Variants in TBCK observed in about 807,000 individuals in gnomAD.
The protein encoded by TBCK is TBC domain-containing protein kinase-like protein.
A neutral mutation model predicts 113.4 loss-of-function variants in TBCK; 99 were observed. The ratio of observed to expected loss-of-function variants is 0.87; its 90% CI spans 0.74 to 1.03. TBCK has a LOEUF of 1.03. Ranked by LOEUF, TBCK falls within the 50% of genes least tolerant of loss-of-function variation. The probability of loss-of-function intolerance (pLI) is 0.00; values close to 1 mark genes in which losing one functional copy is unlikely to be tolerated. For synonymous variants in TBCK, 369 were observed against 370.8 expected, an observed-to-expected ratio of 1.00 and a Z score of 0.05; for missense variants, 1,045 against 1,061.3, an observed-to-expected ratio of 0.98 and a Z score of 0.21.
intron 20 of TBCK, 26 bp from the exon 21 acceptor site, chr4:106,194,780 G>C: frequency 6.4e-7 from 1 of 1,551,416 alleles, no homozygotes; most frequent in Non-Finnish European, 8.7e-7. Flanking sequence ...GGGGTACAGG[G>C]AATGGATAAA....
At chr4:106,277,703 G>C (rs981421348) in intron 3 of TBCK, among the ~76,000 whole-genome samples, 1 of 152,148 alleles carries the variant, frequency 6.6e-6, no homozygotes, top group Non-Finnish European at 1.5e-5. Flanking sequence ...GGGAGGTGCA[G>C]AGATTTACTG....
chr4:106,283,120 G>C (rs1387179721), intron 3 of TBCK, among the ~76,000 whole-genome samples: 3 of 151,752 alleles, frequency 2.0e-5, no homozygotes, highest in Non-Finnish European at 4.4e-5. Flanking sequence ...AAATAAAATT[G>C]TAGCACATGA....
intron 1 of TBCK, among the ~76,000 whole-genome samples, chr4:106,312,033 T>C (rs1439987487): frequency 5.3e-5 from 8 of 152,124 alleles, no homozygotes; most frequent in African/African-American, 1.4e-4. Context: ...TTAGACACAA[T>C]AGAACAAAGC....
At chr4:106,095,865 G>C (rs1162763073) in intron 24 of TBCK, among the ~76,000 whole-genome samples, 2 of 151,990 alleles carry the variant, frequency 1.3e-5, no homozygotes, top group African/African-American at 4.8e-5. Flanking sequence ...AGATATAAAA[G>C]GATCTTACAT....
intron 5 of TBCK, among the ~76,000 whole-genome samples, chr4:106,255,629 G>A (rs181965983): frequency 6.6e-6 from 1 of 152,298 alleles, no homozygotes. Context: ...CCCTGGCTCA[G>A]AAAGTTCCTA....
At chr4:106,188,685 T>A (rs962834403) in intron 22 of TBCK, among the ~76,000 whole-genome samples, 2 of 152,192 alleles carry the variant, frequency 1.3e-5, no homozygotes, top group Non-Finnish European at 2.9e-5. Flanking sequence ...TACTCTAAAT[T>A]TTCAAGATAA....
At chr4:106,119,951 A>G (rs958303812) in intron 23 of TBCK, among the ~76,000 whole-genome samples, 1 of 152,134 alleles carries the variant, frequency 6.6e-6, no homozygotes, top group Non-Finnish European at 1.5e-5. Context: ...CAAAACCACA[A>G]TGTGAGAGGA....
chr4:106,125,490 A>G (rs1196317802), intron 23 of TBCK, among the ~76,000 whole-genome samples: 1 of 152,164 alleles, frequency 6.6e-6, no homozygotes, highest in East Asian at 1.9e-4. Flanking sequence ...AACAGATCGA[A>G]ACTCCATCTC....
intron 19 of TBCK, among the ~76,000 whole-genome samples, chr4:106,219,944 C>T (rs148983435): frequency 4.6e-5 from 7 of 152,290 alleles, no homozygotes; most frequent in African/African-American, 1.7e-4. Flanking sequence ...TGAAAATAAT[C>T]TTCAAAAAAT....
chr4:106,240,113 A>G (rs894572128), intron 12 of TBCK, among the ~76,000 whole-genome samples: 2 of 152,042 alleles, frequency 1.3e-5, no homozygotes, highest in African/African-American at 4.8e-5. Context: ...AAATCCATTA[A>G]CATAATACAT....
intron 2 of TBCK, among the ~76,000 whole-genome samples, chr4:106,300,958 T>A (rs1766873697): frequency 6.6e-6 from 1 of 151,874 alleles, no homozygotes; most frequent in African/African-American, 2.4e-5. Flanking sequence ...AAATAAATAA[T>A]AAATAAATAT....
At chr4:106,070,805 T>C (rs1192611863) in intron 25 of TBCK, among the ~76,000 whole-genome samples, 1 of 152,186 alleles carries the variant, frequency 6.6e-6, no homozygotes, top group Admixed American at 6.6e-5. Context: ...CTATTAATTA[T>C]TGCCTCAATT....
At chr4:106,190,482 A>G (rs1343230796) in intron 22 of TBCK, among the ~76,000 whole-genome samples, 2 of 152,344 alleles carry the variant, frequency 1.3e-5, no homozygotes, top group South Asian at 2.1e-4. Context: ...TCATGAAAAT[A>G]TAACTGCTGC....
At chr4:106,242,764 C>T (rs1229507498) in intron 11 of TBCK, among the ~76,000 whole-genome samples, 195 bp from the exon 12 acceptor site, 3 of 151,548 alleles carry the variant, frequency 2.0e-5, no homozygotes, top group Admixed American at 6.6e-5. Context: ...GCACAATGTG[C>T]AGGTTAGTTA....
At chr4:106,208,762 C>A (rs1230570099) in intron 20 of TBCK, among the ~76,000 whole-genome samples, 1 of 152,124 alleles carries the variant, frequency 6.6e-6, no homozygotes, top group Non-Finnish European at 1.5e-5. Flanking sequence ...GGAGAAGGGA[C>A]CTCTGGGCAC....
At chr4:106,179,396 G>C (rs1358096816) in intron 22 of TBCK, among the ~76,000 whole-genome samples, 1 of 151,760 alleles carries the variant, frequency 6.6e-6, no homozygotes, top group Non-Finnish European at 1.5e-5. Context: ...TACCCTCTTA[G>C]AACTGTTTTT....
intron 23 of TBCK, among the ~76,000 whole-genome samples, chr4:106,144,064 G>A (rs573593020): frequency 1.3e-5 from 2 of 152,124 alleles, no homozygotes; most frequent in African/African-American, 4.8e-5. Context: ...TTAAGTTACT[G>A]TGTTACACTT....
chr4:106,153,069 A>G (rs1246979247), intron 23 of TBCK, among the ~76,000 whole-genome samples: 1 of 151,612 alleles, frequency 6.6e-6, no homozygotes, highest in African/African-American at 2.4e-5. Context: ...AAATTAATTT[A>G]TTTTTGCTCT....
At chr4:106,292,747 A>T (rs1191620463) in intron 3 of TBCK, among the ~76,000 whole-genome samples, 4 of 152,200 alleles carry the variant, frequency 2.6e-5, no homozygotes, top group Admixed American at 6.5e-5. Flanking sequence ...CTTTTAGAAA[A>T]ATAGTCACCA....
Sources: allele counts gnomAD v4.1 joint callset (sites outside exome capture counted in the v4.1 genomes callset), GRCh38; gene constraint gnomAD v4.1.1; transcripts MANE v1.5; gene names NCBI Gene and HGNC (gene_info 2026-07-23, HGNC 2026-07-21).